Variants in RAB3GAP1 observed in about 807,000 individuals in gnomAD.
RAB3GAP1 encodes the protein RAB3 GTPase activating protein catalytic subunit 1.
A neutral mutation model predicts 130.7 loss-of-function variants in RAB3GAP1; 86 were observed. That is an observed-to-expected ratio of 0.66 (90% CI 0.55 to 0.79). The LOEUF is 0.79. Among genes scored for constraint, RAB3GAP1 ranks in the 30% least tolerant of loss-of-function variants. The pLI, the probability that RAB3GAP1 is intolerant of heterozygous loss-of-function variation, is 0.00. For synonymous variants in RAB3GAP1, 367 were observed against 401.7 expected (o/e 0.91, Z 1.03); for missense variants, 1,029 against 1,169.4 (o/e 0.88, Z 1.75).
intron 18 of RAB3GAP1, among the ~76,000 whole-genome samples, chr2:135,152,680 G>A (rs1692209056): frequency 1.3e-5 from 2 of 152,176 alleles, no homozygotes; most frequent in Admixed American, 6.5e-5. Context: ...GCCCTTAGGG[G>A]TATATCCTAA....
chr2:135,156,602 CTT>C lies in RAB3GAP1; in HGVS notation c.2289+2727_2289+2728del, dbSNP rs1441882316. Among the ~76,000 whole-genome samples, 5 of 152,114 alleles carry C rather than the reference CTT, an allele frequency of 3.3e-5. No individual in the cohort carries two copies. In the East Asian group the frequency reaches 9.6e-4, roughly 29 times the overall value. ...CTTTTGATAAATTTAACTTAAAACT[CTT>C]GGGAAAAGAGTGGAATAGATGGCTA... On this transcript the variant is annotated intron_variant, in intron 19 of 23. Transcript: ENST00000264158.
chr2:135,144,457 G>A (rs140907531), intron 17 of RAB3GAP1, among the ~76,000 whole-genome samples: 2 of 152,208 alleles, frequency 1.3e-5, no homozygotes, highest in South Asian at 2.1e-4. Flanking sequence ...GCATGACAAT[G>A]TATAAAACCA....
At chr2:135,113,970 G>A (rs553591217) in intron 6 of RAB3GAP1, among the ~76,000 whole-genome samples, 4 of 152,066 alleles carry the variant, frequency 2.6e-5, no homozygotes, top group Non-Finnish European at 4.4e-5. Context: ...GGCTGGTCTT[G>A]AACTCCTGAC....
chr2:135,090,971 A>G, intron 3 of RAB3GAP1, 27 bp from the exon 4 acceptor site: 2 of 1,592,114 alleles, frequency 1.3e-6, no homozygotes, highest in Non-Finnish European at 1.7e-6. Flanking sequence ...TAAGGTAAAT[A>G]TTTTGCCATT....
intron 5 of RAB3GAP1, among the ~76,000 whole-genome samples, chr2:135,112,848 A>T (rs1690852493): frequency 6.6e-6 from 1 of 151,400 alleles, no homozygotes; most frequent in Non-Finnish European, 1.5e-5. Flanking sequence ...ACACACACAC[A>T]CACACACACA....
At chr2:135,128,266 G>A (rs1348545054) in intron 11 of RAB3GAP1, among the ~76,000 whole-genome samples, 1 of 152,188 alleles carries the variant, frequency 6.6e-6, no homozygotes, top group Non-Finnish European at 1.5e-5. Flanking sequence ...GAGTATTACA[G>A]TTGGACAGAC....
In RAB3GAP1 at chr2:135,126,785, C is replaced by T. The variant is rs1445979640; in HGVS notation, c.973+129C>T. 5 of 794,312 alleles carry T rather than the reference C, an allele frequency of 6.3e-6. No individual in the cohort carries two copies. In the East Asian group the frequency reaches 1.2e-4, roughly 20 times the overall value. The allele number at this position is 794,312 out of a possible 1,614,324, so 49.2% of individuals were successfully genotyped here. A position where few individuals can be genotyped will look rare whatever the true frequency, so the allele number is the denominator to read the frequency against. On this transcript the variant is annotated intron_variant, in intron 11 of 23. Coordinates refer to ENST00000264158, the MANE Select transcript of RAB3GAP1 (RefSeq NM_012233.3). Reference sequence around the variant, plus strand: ...CACCATGTAGGAAAAAAATCATTGCCAATAGCAGTGAATCCTTTTTTGAAT... The same window carrying T: ...CACCATGTAGGAAAAAAATCATTGCTAATAGCAGTGAATCCTTTTTTGAAT...
Position 135,169,745 on chromosome 2 carries a change from G to A in RAB3GAP1, c.*964G>A, listed in dbSNP as rs181952710. ...CTTTTGTATTTTAGTTAAAATAATCGATGGGGATGTGTAGCCCCCCCGTGT... is the reference window on the plus strand; with the variant it reads ...CTTTTGTATTTTAGTTAAAATAATCAATGGGGATGTGTAGCCCCCCCGTGT... On this transcript the variant is annotated 3_prime_UTR_variant, in exon 24 of 24. Coordinates refer to ENST00000264158, the MANE Select transcript of RAB3GAP1 (RefSeq NM_012233.3). 20 of 455,940 alleles carry A rather than the reference G, an allele frequency of 4.4e-5. No individual in the cohort carries two copies. The highest frequency in any genetic ancestry group is 4.0e-4 in the Admixed American group (17 of 42,516). The allele number at this position is 455,940 out of a possible 1,614,324, so 28.2% of individuals were successfully genotyped here.
chr2:135,115,508 A>AT (rs1233329071), intron 7 of RAB3GAP1, 127 bp downstream of exon 7: 14 of 906,294 alleles, frequency 1.5e-5, no homozygotes, highest in African/African-American at 3.4e-5. Flanking sequence ...GAAGAAAGCT[A>AT]TAAGTGACTA....
intron 5 of RAB3GAP1, among the ~76,000 whole-genome samples, chr2:135,112,205 A>G (rs1049040492): frequency 6.6e-6 from 1 of 152,180 alleles, no homozygotes; most frequent in African/African-American, 2.4e-5. Context: ...CTGTAATATG[A>G]TGATGAAACC....
chr2:135,136,892 C>A, intron 17 of RAB3GAP1: 1 of 267,224 alleles, frequency 3.7e-6, no homozygotes, highest in Non-Finnish European at 7.1e-6. Flanking sequence ...CAAGACCAGC[C>A]TGTATAAGAA....
intron 17 of RAB3GAP1, among the ~76,000 whole-genome samples, chr2:135,143,913 G>C (rs1443789161): frequency 2.6e-5 from 4 of 152,206 alleles, no homozygotes; most frequent in Non-Finnish European, 5.9e-5. Flanking sequence ...TCCTGAATAT[G>C]TTCTCTTAAC....
chr2:135,122,234 GAAAT>G (rs1691226940), intron 8 of RAB3GAP1, among the ~76,000 whole-genome samples: 1 of 152,106 alleles, frequency 6.6e-6, no homozygotes. Flanking sequence ...CTACAACAGA[GAAAT>G]AAAAGCTAAG....
intron 23 of RAB3GAP1, among the ~76,000 whole-genome samples, chr2:135,166,032 C>T (rs1254094062): frequency 6.6e-6 from 1 of 151,880 alleles, no homozygotes; most frequent in African/African-American, 2.4e-5. Context: ...ATTAGCTGGG[C>T]GTGGTGGTGA....
At chr2:135,163,453 C>T (rs938194857) in intron 22 of RAB3GAP1, among the ~76,000 whole-genome samples, 3 of 152,198 alleles carry the variant, frequency 2.0e-5, no homozygotes, top group Middle Eastern at 3.2e-3. Context: ...GTTACTATTC[C>T]TTGACCACAG....
At chr2:135,156,662 T>C (rs1012447769) in intron 19 of RAB3GAP1, among the ~76,000 whole-genome samples, 2 of 152,184 alleles carry the variant, frequency 1.3e-5, no homozygotes, top group African/African-American at 4.8e-5. Flanking sequence ...ATAGAAACTT[T>C]AGTCCTAAAC....
At position 135,120,792 on chromosome 2, in the gene RAB3GAP1, G is replaced by T. The variant is rs376385726; in HGVS notation, c.649-27G>T. On this transcript the variant is annotated intron_variant, in intron 7 of 23. Coordinates refer to ENST00000264158, the MANE Select transcript of RAB3GAP1 (RefSeq NM_012233.3). ...ATGAAAAGGGTACCAGCATTTACACGGTATTGTCTTTGCATGTATTTCCTA... is the reference window on the plus strand; with the variant it reads ...ATGAAAAGGGTACCAGCATTTACACTGTATTGTCTTTGCATGTATTTCCTA... 1.1e-4 allele frequency: 167 copies of T among 1,457,314 alleles called. 1 individual carries two copies. Among genetic ancestry groups the T allele is most frequent in the Non-Finnish European group, 1.6e-4 (162 of 1,037,558 alleles). 90.3% of individuals were successfully genotyped at this position (1,457,314 alleles called of 1,614,324 possible). A position where few individuals can be genotyped will look rare whatever the true frequency, so the allele number is the denominator to read the frequency against.
intron 17 of RAB3GAP1, among the ~76,000 whole-genome samples, chr2:135,148,935 T>G (rs1211948085): frequency 6.6e-6 from 1 of 152,182 alleles, no homozygotes; most frequent in Non-Finnish European, 1.5e-5. Context: ...CACCTCATTT[T>G]CATCACTTGC....
chr2:135,113,390 T>G (rs1159300401), intron 6 of RAB3GAP1, 120 bp downstream of exon 6: 3 of 1,320,228 alleles, frequency 2.3e-6, no homozygotes, highest in Non-Finnish European at 3.2e-6. Flanking sequence ...GCATATATAT[T>G]GTTAAACTAA....
Sources: gnomAD v4.1 joint callset for allele counts (sites outside exome capture counted in the v4.1 genomes callset) on GRCh38, gnomAD v4.1.1 for gene constraint, MANE v1.5 for transcripts, NCBI Gene and HGNC (gene_info 2026-07-23, HGNC 2026-07-21) for gene names.